CALN1: variants seen among roughly 807,000 people sequenced by gnomAD.
CALN1 encodes calcium-binding protein 8.
CALN1 carries 17 observed loss-of-function variants against 30.6 expected under a neutral mutation model. The ratio of observed to expected loss-of-function variants is 0.56; its 90% CI spans 0.38 to 0.83. The LOEUF (loss-of-function observed/expected upper bound fraction) is 0.83. Among genes scored for constraint, CALN1 ranks in the 40% least tolerant of loss-of-function variants. The probability of loss-of-function intolerance (pLI) is 0.00; values close to 1 mark genes in which losing one functional copy is unlikely to be tolerated. For synonymous variants in CALN1, 156 were observed against 131.4 expected (o/e 1.19, Z -1.28); for missense variants, 291 against 354.9 (o/e 0.82, Z 1.45).
chr7:72,271,575 A>AATATATATATATATATAT (rs1410679506), intron 3 of CALN1, among the ~76,000 whole-genome samples: 9 of 52,070 alleles, frequency 1.7e-4, no homozygotes, highest in Non-Finnish European at 2.5e-4. Flanking sequence ...AAAAAAAAAA[A>AATATATATATATATATAT]ATATATATAT....
chr7:72,071,889 A>G (rs371351964), intron 4 of CALN1, among the ~76,000 whole-genome samples: 84 of 152,350 alleles, frequency 5.5e-4, no homozygotes, highest in African/African-American at 1.9e-3. Context: ...CAAGAAAACA[A>G]TGTTATAAAG....
chr7:72,122,876 C>G (rs1469606453), intron 3 of CALN1, among the ~76,000 whole-genome samples: 1 of 152,176 alleles, frequency 6.6e-6, no homozygotes, highest in Non-Finnish European at 1.5e-5. Context: ...TAAATAGCAA[C>G]AAGACATCTA....
chr7:71,783,673 CTG>C lies in CALN1; in HGVS notation c.*4100_*4101del, dbSNP rs1792835934. 1.3e-5 allele frequency: 2 copies of C among 152,684 alleles called. No individual in the cohort carries two copies. Among genetic ancestry groups the C allele is most frequent in the Non-Finnish European group, 2.9e-5 (2 of 68,048 alleles). 9.5% of individuals were successfully genotyped at this position (152,684 alleles called of 1,614,324 possible). A position where few individuals can be genotyped will look rare whatever the true frequency, so the allele number is the denominator to read the frequency against. The stretch of plus-strand genomic sequence containing the variant: ...TTTAGGTGAAGAGCAACGTGCAAAA[CTG>C]TCTTTGATTTATGACCTGAGTCTGG... On this transcript the variant is annotated 3_prime_UTR_variant, in exon 7 of 7. Coordinates refer to ENST00000395275, the MANE Select transcript of CALN1 (RefSeq NM_031468.4).
intron 3 of CALN1, among the ~76,000 whole-genome samples, chr7:72,167,064 T>C (rs549609600): frequency 1.4e-4 from 21 of 151,698 alleles, no homozygotes; most frequent in Non-Finnish European, 2.8e-4. Context: ...AAAAAGAAAA[T>C]ACCAAGGCAA....
At chr7:72,255,893 C>G (rs911270821) in intron 3 of CALN1, among the ~76,000 whole-genome samples, 3 of 151,924 alleles carry the variant, frequency 2.0e-5, no homozygotes, top group African/African-American at 7.3e-5. Flanking sequence ...AGCACGCTGG[C>G]TAATTTTTGT....
intron 5 of CALN1, among the ~76,000 whole-genome samples, chr7:71,969,071 A>T (rs1002813964): frequency 6.6e-6 from 1 of 151,886 alleles, no homozygotes; most frequent in Admixed American, 6.6e-5. Context: ...AAATCATAGA[A>T]CTGCACACCT....
intron 3 of CALN1, among the ~76,000 whole-genome samples, chr7:72,175,877 A>T (rs1789313133): frequency 6.6e-6 from 1 of 152,190 alleles, no homozygotes; most frequent in Non-Finnish European, 1.5e-5. Flanking sequence ...ACCAAACTTC[A>T]CATTCATACA....
chr7:71,986,816 TA>T (rs1253510649), intron 5 of CALN1, among the ~76,000 whole-genome samples: 1 of 152,060 alleles, frequency 6.6e-6, no homozygotes. Context: ...GTTGTAGGAG[TA>T]AAATATTTAG....
At chr7:72,353,216 G>A (rs922140086) in intron 2 of CALN1, among the ~76,000 whole-genome samples, 1 of 151,742 alleles carries the variant, frequency 6.6e-6, no homozygotes, top group Non-Finnish European at 1.5e-5. Flanking sequence ...ATAAAATAGA[G>A]AGCGGGAACA....
intron 1 of CALN1, among the ~76,000 whole-genome samples, chr7:72,440,687 T>A (rs1433793632): frequency 1.3e-5 from 2 of 151,976 alleles, no homozygotes; most frequent in Non-Finnish European, 2.9e-5. Context: ...CTTAGCTGGG[T>A]GTGGTGGCTT....
At chr7:72,369,558 T>C (rs991914430) in intron 2 of CALN1, among the ~76,000 whole-genome samples, 2 of 151,716 alleles carry the variant, frequency 1.3e-5, no homozygotes, top group African/African-American at 2.4e-5. Flanking sequence ...ACGGGGTTTC[T>C]CCATGTTGGT....
At chr7:72,098,519 T>C (rs960102259) in intron 4 of CALN1, among the ~76,000 whole-genome samples, 14 of 151,896 alleles carry the variant, frequency 9.2e-5, no homozygotes, top group East Asian at 3.9e-4. Flanking sequence ...ACCTGGGTAA[T>C]AGAGTGAGAC....
intron 5 of CALN1, among the ~76,000 whole-genome samples, chr7:71,962,759 C>T (rs777420108): frequency 6.6e-6 from 1 of 152,190 alleles, no homozygotes; most frequent in South Asian, 2.1e-4. Flanking sequence ...GTTTTATCTA[C>T]AGTATGTCAC....
intron 5 of CALN1, among the ~76,000 whole-genome samples, chr7:71,969,415 C>CA (rs1455298428): frequency 5.9e-5 from 9 of 152,150 alleles, no homozygotes; most frequent in African/African-American, 2.2e-4. Context: ...AGATACTTGT[C>CA]AGAGACTAAG....
At chr7:72,497,818 G>C in the CALN1 span, among the ~76,000 whole-genome samples, 1 of 152,082 alleles carries the variant, frequency 6.6e-6, no homozygotes, top group East Asian at 1.9e-4. Flanking sequence ...AATAAATAGA[G>C]GGGAAAAAAC....
intron 2 of CALN1, among the ~76,000 whole-genome samples, chr7:72,297,755 C>T (rs1292885430): frequency 6.6e-6 from 1 of 152,192 alleles, no homozygotes; most frequent in Non-Finnish European, 1.5e-5. Flanking sequence ...TTTACGAAGT[C>T]ATAATATTCA....
intron 3 of CALN1, among the ~76,000 whole-genome samples, chr7:72,265,610 G>GA (rs980188815): frequency 9.2e-5 from 14 of 152,026 alleles, no homozygotes; most frequent in Non-Finnish European, 1.9e-4. Context: ...TGTTGAAAAT[G>GA]AAAGGTTCCC....
intron 4 of CALN1, among the ~76,000 whole-genome samples, chr7:72,055,126 T>C (rs1481870204): frequency 6.6e-6 from 1 of 152,182 alleles, no homozygotes; most frequent in Non-Finnish European, 1.5e-5. Context: ...ACTCATTTAA[T>C]CCTCACACCA....
intron 4 of CALN1, among the ~76,000 whole-genome samples, chr7:72,039,620 CCCA>C (rs1410004589): frequency 1.3e-5 from 2 of 152,142 alleles, no homozygotes; most frequent in East Asian, 3.9e-4. Flanking sequence ...CAGGGTCTCC[CCCA>C]CCACCACCAC....
Sources: gnomAD v4.1 joint callset for allele counts (sites outside exome capture counted in the v4.1 genomes callset) on GRCh38, gnomAD v4.1.1 for gene constraint, MANE v1.5 for transcripts, NCBI Gene and HGNC (gene_info 2026-07-23, HGNC 2026-07-21) for gene names.